Variants in EXD3 observed in about 807,000 individuals in gnomAD.
EXD3 encodes exonuclease mut-7 homolog.
In EXD3, 92 loss-of-function variants were observed where a neutral mutation model predicts 98.0. The ratio of observed to expected loss-of-function variants is 0.94; its 90% CI spans 0.79 to 1.12. The LOEUF (loss-of-function observed/expected upper bound fraction) is 1.12, where lower values mean the gene tolerates loss of function less well. Ranked by LOEUF, EXD3 falls within the 50% of genes most tolerant of loss-of-function variation. The pLI, the probability that EXD3 is intolerant of heterozygous loss-of-function variation, is 0.00. For missense variants in EXD3, 1,222 were observed against 1,191.6 expected, an observed-to-expected ratio of 1.03 and a Z score of -0.38; for synonymous variants, 569 against 526.0, an observed-to-expected ratio of 1.08 and a Z score of -1.12.
rs766851400 is a variant in EXD3, at chr9:137,324,145, T to G, written c.1999-2A>C. On this transcript the variant is annotated splice_acceptor_variant, in intron 17 of 21. Transcript: ENST00000340951. LOFTEE classifies it high-confidence loss of function. This position sits in a 1 kb window ranked among gnomAD's most constrained non-coding sequence, Gnocchi z 4.1. ...GATCCTCCCCTCCTGCCTGGCAACCTGTGTGGGAGGTGCGACCAGCACATA... is the reference window on the plus strand; with the variant it reads ...GATCCTCCCCTCCTGCCTGGCAACCGGTGTGGGAGGTGCGACCAGCACATA... 17 of 1,575,668 alleles carry G rather than the reference T, an allele frequency of 1.1e-5. No individual in the cohort carries two copies. The East Asian group carries it at 4.0e-4, about 37-fold the overall frequency.
chr9:137,420,032 T>C (rs558718269), intron 1 of EXD3, among the ~76,000 whole-genome samples: 60 of 152,084 alleles, frequency 3.9e-4, no homozygotes, highest in African/African-American at 9.9e-4. Flanking sequence ...TGGTGGCAGG[T>C]GCCTGTAGTC....
rs533677940 is a variant in EXD3 at position 137,347,154 on chromosome 9, A to G, written c.1998+917T>C. Among the ~76,000 whole-genome samples the G allele has an allele frequency of 6.6e-6, 1 of 152,310 alleles. No individual in the cohort carries two copies. Among genetic ancestry groups the G allele is most frequent in the East Asian group, 1.9e-4 (1 of 5,178 alleles). Reference sequence around the variant, plus strand: ...TGCTGTCACAATTTACTAAAAGCTTAGCAGCTTACAACATAGTTCTGTGGA... The same window carrying G: ...TGCTGTCACAATTTACTAAAAGCTTGGCAGCTTACAACATAGTTCTGTGGA... On this transcript the variant is annotated intron_variant, in intron 17 of 21. Transcript: ENST00000340951. This position sits in a 1 kb window ranked among gnomAD's most constrained non-coding sequence, Gnocchi z 4.2.
rs1837026280 is a variant in EXD3 at position 137,393,167 on chromosome 9, G to T, written c.55+2136C>A. 1.4e-6 allele frequency: 1 copy of T among 702,508 alleles called. No individual in the cohort carries two copies. The highest frequency in any genetic ancestry group is 2.6e-6 in the Non-Finnish European group (1 of 384,924). The allele number at this position is 702,508 out of a possible 1,614,324, so 43.5% of individuals were successfully genotyped here. A position where few individuals can be genotyped will look rare whatever the true frequency, so the allele number is the denominator to read the frequency against. ...GGCTGTTCCAGGGGCCCTGCTAGCTGGGGTGTTGCACTTTGAAAACATCCC... is the reference window on the plus strand; with the variant it reads ...GGCTGTTCCAGGGGCCCTGCTAGCTTGGGTGTTGCACTTTGAAAACATCCC... On this transcript the variant is annotated intron_variant, in intron 2 of 21. Transcript: ENST00000340951. This position sits in a 1 kb window ranked among gnomAD's most constrained non-coding sequence, Gnocchi z 4.6.
intron 1 of EXD3, among the ~76,000 whole-genome samples, chr9:137,420,737 A>AACCCCCCC (rs1554743328): frequency 8.9e-6 from 1 of 112,464 alleles, no homozygotes; most frequent in Non-Finnish European, 1.9e-5. Flanking sequence ...ACAGACATTC[A>AACCCCCCC]CCCCCCCCCC....
Position 137,407,734 on chromosome 9 carries a change from G to A in EXD3, c.-47-12330C>T, listed in dbSNP as rs1010298803. Among the ~76,000 whole-genome samples, 1 of 152,148 alleles carries A rather than the reference G, an allele frequency of 6.6e-6. No individual in the cohort carries two copies. The highest frequency in any genetic ancestry group is 1.5e-5 in the Non-Finnish European group (1 of 68,014). The stretch of plus-strand genomic sequence containing the variant: ...TGGTTCTGAAGACGGCCCAGCTGGA[G>A]TGGGAGAAGTGCCCAGTGCTTCCGT... On this transcript the variant is annotated intron_variant, in intron 1 of 21. Transcript: ENST00000340951. The surrounding 1 kb of genome is among the most constrained non-coding windows in gnomAD (Gnocchi z 4.4).
At chr9:137,417,786 C>T (rs1341641594) in intron 1 of EXD3, among the ~76,000 whole-genome samples, 1 of 152,126 alleles carries the variant, frequency 6.6e-6, no homozygotes, top group Non-Finnish European at 1.5e-5. Context: ...CCGCCTCCTT[C>T]AAGCGCAGGC....
intron 7 of EXD3, among the ~76,000 whole-genome samples, chr9:137,358,966 A>G (rs2119271391): frequency 6.7e-6 from 1 of 149,942 alleles, no homozygotes; most frequent in East Asian, 2.0e-4. Context: ...TTTTTTTTTG[A>G]GGCAGAATCT....
chr9:137,306,971 G>T lies in EXD3; in HGVS notation c.2610C>A (p.Ser870Arg), dbSNP rs1831072579. The part of the protein sequence containing the change: ...PSPCEPSPAP[S>R]PASSPF Reference sequence around the variant, plus strand: ...GTCCTCAGAAGGGACTGCTGGCCGGGCTGGGGGCTGGGCTCGGCTCGCAGG... The same window carrying T: ...GTCCTCAGAAGGGACTGCTGGCCGGTCTGGGGGCTGGGCTCGGCTCGCAGG... The change falls in exon 22 of 22, where the codon AGC (serine) becomes AGA (arginine). Residue 870 changes from serine to arginine, a missense_variant. Transcript: ENST00000340951. 1.3e-6 allele frequency: 2 copies of T among 1,590,272 alleles called. No individual in the cohort carries two copies. The highest frequency in any genetic ancestry group is 1.3e-5 in the African/African-American group (1 of 74,568).
At chr9:137,311,634 G>A (rs1316534774) in intron 19 of EXD3, among the ~76,000 whole-genome samples, 1 of 152,186 alleles carries the variant, frequency 6.6e-6, no homozygotes, top group African/African-American at 2.4e-5. Flanking sequence ...GTTTTCCCAC[G>A]GCTGCTGCCC....
At chr9:137,354,084 T>G (rs2119237804) in intron 10 of EXD3, 1 of 1,241,172 alleles carries the variant, frequency 8.1e-7, no homozygotes, top group Non-Finnish European at 1.0e-6. Context: ...TTGGTTCGGG[T>G]GGCACGGACG....
intron 5 of EXD3, among the ~76,000 whole-genome samples, chr9:137,370,733 G>A (rs1473454264): frequency 7.3e-5 from 11 of 151,290 alleles, no homozygotes; most frequent in Non-Finnish European, 1.0e-4. Context: ...CTCGAAGGCC[G>A]AGGACCCCAG....
rs1360859056 is a variant in EXD3 at position 137,372,792 on chromosome 9, A to G, written c.462+113T>C. On this transcript the variant is annotated intron_variant, in intron 5 of 21. Transcript: ENST00000340951. The stretch of plus-strand genomic sequence containing the variant: ...GGCCGGGTCCTTGATACCTCCATGT[A>G]GACCAGAAGCCCCAAACAGCCCCCA... The G allele has an allele frequency of 5.1e-5, 58 of 1,133,824 alleles. No individual in the cohort carries two copies. The East Asian group carries it at 1.4e-3, about 27-fold the overall frequency. The allele number at this position is 1,133,824 out of a possible 1,614,324, so 70.2% of individuals were successfully genotyped here.
intron 8 of EXD3, among the ~76,000 whole-genome samples, 178 bp from the exon 9 acceptor site, chr9:137,354,951 A>C (rs1257885432): frequency 1.3e-5 from 2 of 152,070 alleles, no homozygotes; most frequent in African/African-American, 4.8e-5. Flanking sequence ...CACCCCACTC[A>C]GCCTGGGGGT....
intron 1 of EXD3, among the ~76,000 whole-genome samples, chr9:137,411,815 C>A (rs1387158326): frequency 6.6e-6 from 1 of 152,196 alleles, no homozygotes; most frequent in Admixed American, 6.5e-5. Context: ...TTTCTGCACA[C>A]CGCAGTGAGT....
chr9:137,338,295 C>T (rs1474254009), intron 17 of EXD3, among the ~76,000 whole-genome samples: 1 of 152,108 alleles, frequency 6.6e-6, no homozygotes, highest in East Asian at 1.9e-4. Context: ...AGAACGAAGT[C>T]AAATAAGCAA....
chr9:137,366,546 C>G lies in EXD3; in HGVS notation c.603G>C (p.Leu201=), dbSNP rs923796492. 1.3e-6 allele frequency: 2 copies of G among 1,551,854 alleles called. No individual in the cohort carries two copies. The highest frequency in any genetic ancestry group is 1.7e-6 in the Non-Finnish European group (2 of 1,147,848). ...AGFPDLQRRL[L]VLMDSWCQPG... is the part of the protein sequence containing the mutation. The stretch of plus-strand genomic sequence containing the variant: ...GCTGGCACCAGGAATCCATGAGGAC[C>G]AGCAGCCTCCTCTGGAGGTCCGGGA... The change falls in exon 7 of 22, where the codon CTG becomes CTC. Residue 201 remains leucine (L), a synonymous_variant. Transcript: ENST00000340951.
At chr9:137,410,454 C>T (rs911706483) in intron 1 of EXD3, among the ~76,000 whole-genome samples, 1 of 148,508 alleles carries the variant, frequency 6.7e-6, no homozygotes, top group African/African-American at 2.5e-5. Flanking sequence ...CACCGCATTC[C>T]AGCCTGGGCG....
intron 1 of EXD3, among the ~76,000 whole-genome samples, chr9:137,397,649 C>T (rs772829017): frequency 1.3e-5 from 2 of 152,200 alleles, no homozygotes; most frequent in African/African-American, 4.8e-5. Flanking sequence ...ATTTCAACTG[C>T]GTTCACAGAA....
rs900123295 is a variant in EXD3 at position 137,385,803 on chromosome 9, G to C, written c.56-2426C>G. On this transcript the variant is annotated intron_variant, in intron 2 of 21. Transcript: ENST00000340951. The surrounding 1 kb of genome is among the most constrained non-coding windows in gnomAD (Gnocchi z 4.4). ...TCCACCTCGGCCTCCCAAAGTGCTGGGATGACAGGCGTGAGCCACCGCGCC... is the reference window on the plus strand; with the variant it reads ...TCCACCTCGGCCTCCCAAAGTGCTGCGATGACAGGCGTGAGCCACCGCGCC... 1.3e-5 allele frequency among the ~76,000 whole-genome samples: 2 copies of C among 152,026 alleles called. No homozygotes were observed. Among genetic ancestry groups the C allele is most frequent in the African/African-American group, 4.8e-5 (2 of 41,388 alleles).
Sources: gnomAD v4.1 joint callset for allele counts (sites outside exome capture counted in the v4.1 genomes callset) on GRCh38, gnomAD v4.1.1 for gene constraint, Gnocchi (gnomAD v3.1) non-coding constraint, MANE v1.5 for transcripts, NCBI Gene and HGNC (gene_info 2026-07-23, HGNC 2026-07-21) for gene names.